QSOX2: variants seen among roughly 807,000 people sequenced by gnomAD.
QSOX2 encodes sulfhydryl oxidase 2.
Under a neutral mutation model 61.7 loss-of-function variants are expected in QSOX2, and 46 were observed. The ratio of observed to expected loss-of-function variants is 0.75; its 90% CI spans 0.59 to 0.95. The LOEUF (loss-of-function observed/expected upper bound fraction) is 0.95, where lower values mean the gene tolerates loss of function less well. Among genes scored for constraint, QSOX2 ranks in the 40% least tolerant of loss-of-function variants. The probability of loss-of-function intolerance (pLI) is 0.00; values close to 1 mark genes in which losing one functional copy is unlikely to be tolerated. For missense variants in QSOX2, 879 were observed against 918.9 expected (o/e 0.96, Z 0.56); for synonymous variants, 383 against 388.4 (o/e 0.99, Z 0.16).
intron 6 of QSOX2, 80 bp from the exon 7 acceptor site, chr9:136,219,244 C>A: frequency 6.7e-7 from 1 of 1,500,510 alleles, no homozygotes. Flanking sequence ...TTCAGGACAG[C>A]TCTGGGCCAC....
intron 9 of QSOX2, 139 bp downstream of exon 9, chr9:136,216,461 C>A: frequency 1.7e-6 from 2 of 1,184,180 alleles, no homozygotes; most frequent in Non-Finnish European, 2.4e-6. Context: ...ATGATGCTGT[C>A]GTGGAGACAG....
intron 1 of QSOX2, among the ~76,000 whole-genome samples, chr9:136,240,005 G>A (rs914649188): frequency 6.6e-6 from 1 of 152,242 alleles, no homozygotes; most frequent in Non-Finnish European, 1.5e-5. Context: ...CTCCTGCTCT[G>A]CCCACCTGTC....
chr9:136,213,670 C>T (rs1391595282), intron 10 of QSOX2, among the ~76,000 whole-genome samples: 4 of 151,830 alleles, frequency 2.6e-5, no homozygotes, highest in Non-Finnish European at 5.9e-5. Flanking sequence ...GGACACTCTC[C>T]CATTAACAGG....
In QSOX2 at chr9:136,215,369, C is replaced by A. The variant is rs553162255; in HGVS notation, c.1210-65G>T. The A allele has an allele frequency of 4.1e-6, 6 of 1,479,304 alleles. No homozygotes were observed. In the East Asian group the frequency reaches 1.0e-4, roughly 25 times the overall value. The allele number at this position is 1,479,304 out of a possible 1,614,324, so 91.6% of individuals were successfully genotyped here. On this transcript the variant is annotated intron_variant, in intron 9 of 11. Transcript: ENST00000358701. Reference sequence around the variant, plus strand: ...GATAATTGTTGAAATTAAAAACAGTCGACAGCTGCCTTCTTGACTGGGGGG... The same window carrying A: ...GATAATTGTTGAAATTAAAAACAGTAGACAGCTGCCTTCTTGACTGGGGGG...
rs1564288480 is a variant in QSOX2 at position 136,209,368 on chromosome 9, C to T, written c.1550-93G>A. 7 of 1,540,028 alleles carry T rather than the reference C, an allele frequency of 4.5e-6. No homozygotes were observed. Among genetic ancestry groups the T allele is most frequent in the Non-Finnish European group, 6.1e-6 (7 of 1,143,468 alleles). On this transcript the variant is annotated intron_variant, in intron 11 of 11. Transcript: ENST00000358701. The surrounding 1 kb of genome is among the most constrained non-coding windows in gnomAD (Gnocchi z 5.6). ...CAACCGGACTCCCACTCCCACCCAC[C>T]ACGGGCCTCCACTGCCCTGGCCCAG...
intron 3 of QSOX2, 118 bp from the exon 4 acceptor site, chr9:136,224,230 G>T: frequency 1.4e-6 from 1 of 737,422 alleles, no homozygotes; most frequent in Non-Finnish European, 2.3e-6. Context: ...GGGTGCAGGT[G>T]GCAGCAACAT....
At chr9:136,217,785 T>C (rs1211444747) in intron 8 of QSOX2, among the ~76,000 whole-genome samples, 1 of 152,204 alleles carries the variant, frequency 6.6e-6, no homozygotes, top group Non-Finnish European at 1.5e-5. Context: ...ACTAATATGA[T>C]GGACAGATTA....
At chr9:136,241,238 A>C (rs1023519492) in intron 1 of QSOX2, among the ~76,000 whole-genome samples, 6 of 150,830 alleles carry the variant, frequency 4.0e-5, no homozygotes, top group African/African-American at 1.5e-4. Context: ...CCACTGCCCA[A>C]CTCTTCCTCC....
intron 10 of QSOX2, among the ~76,000 whole-genome samples, chr9:136,212,101 A>G (rs12378908): frequency 2.0e-5 from 3 of 152,248 alleles, no homozygotes; most frequent in Non-Finnish European, 4.4e-5. Flanking sequence ...ATTAACAGAC[A>G]TGGACAGGCC....
At position 136,219,133 on chromosome 9, in the gene QSOX2, A is replaced by G; in HGVS notation, c.853T>C (p.Tyr285His). The change falls in exon 7 of 12, where the codon TAT (tyrosine) becomes CAT (histidine). Residue 285 changes from tyrosine (Y) to histidine (H), a missense_variant. Transcript: ENST00000358701. ...VKPLRAFFSS[Y>H]LKSLPDVRKK... ...CTCACATCCGGCAATGACTTCAAATAAGACGAAAAGAAGGCCCGCAGAGGC... is the reference window on the plus strand; with the variant it reads ...CTCACATCCGGCAATGACTTCAAATGAGACGAAAAGAAGGCCCGCAGAGGC... 6.2e-7 allele frequency: 1 copy of G among 1,614,024 alleles called. No homozygotes were observed. Among genetic ancestry groups the G allele is most frequent in the African/African-American group, 1.3e-5 (1 of 75,060 alleles).
chr9:136,219,095 A>C lies in QSOX2; in HGVS notation c.891T>G (p.Leu297=), dbSNP rs1439607748. The C allele has an allele frequency of 4.3e-6, 7 of 1,614,000 alleles. No homozygotes were observed. Among genetic ancestry groups the C allele is most frequent in the Non-Finnish European group, 5.9e-6 (7 of 1,180,036 alleles). The part of the protein sequence containing the change: ...KSLPDVRKKS[L]PLPEKPHKEE... Reference sequence around the variant, plus strand: ...CTTTGTGTGGCTTTTCAGGCAAGGGAAGCGATTTTTTCCTCACATCCGGCA... The same window carrying C: ...CTTTGTGTGGCTTTTCAGGCAAGGGCAGCGATTTTTTCCTCACATCCGGCA... The change falls in exon 7 of 12, where the codon CTT becomes CTG. Residue 297 remains leucine, a synonymous_variant. Coordinates refer to ENST00000358701, the MANE Select transcript of QSOX2 (RefSeq NM_181701.4).
rs1237396112 is a variant in QSOX2, at chr9:136,222,297, G to A, written c.676-356C>T. ...CCACACCCCACGGCCTCGCACTCCC[G>A]TCCCGCGTGTGGAAGCTTCGTGGCC... On this transcript the variant is annotated intron_variant, in intron 5 of 11. Transcript: ENST00000358701. The surrounding 1 kb of genome is among the most constrained non-coding windows in gnomAD (Gnocchi z 6.9). Among the ~76,000 whole-genome samples the A allele has an allele frequency of 6.6e-5, 10 of 152,154 alleles. 1 individual carries two copies. The highest frequency in any genetic ancestry group is 2.6e-4 in the Admixed American group (4 of 15,272).
Position 136,206,534 on chromosome 9 carries a change from A to T in QSOX2, c.*2194T>A, listed in dbSNP as rs1206625093. On this transcript the variant is annotated 3_prime_UTR_variant, in exon 12 of 12. Coordinates refer to ENST00000358701, the MANE Select transcript of QSOX2 (RefSeq NM_181701.4). Reference sequence around the variant, plus strand: ...ATATTCATTAGTCTCAATACCTCTTAAAATACTTAAAACTTTAGAAAATAG... The same window carrying T: ...ATATTCATTAGTCTCAATACCTCTTTAAATACTTAAAACTTTAGAAAATAG... The T allele has an allele frequency of 6.6e-6, 1 of 152,476 alleles. No homozygotes were observed. The highest frequency in any genetic ancestry group is 1.5e-5 in the Non-Finnish European group (1 of 68,046). 9.4% of individuals were successfully genotyped at this position (152,476 alleles called of 1,614,324 possible).
In QSOX2 at chr9:136,245,473, C is replaced by T; in HGVS notation, c.328+3G>A. The T allele has an allele frequency of 6.3e-7, 1 of 1,588,260 alleles. No individual in the cohort carries two copies. The highest frequency in any genetic ancestry group is 8.5e-7 in the Non-Finnish European group (1 of 1,175,138). On this transcript the variant is annotated splice_donor_region_variant and intron_variant, in intron 1 of 11. Transcript: ENST00000358701. ...GGGGTCCCCGCGCGGGGGCGCGCCT[C>T]ACCTCGCACATCCCCAGCCAGGGCC...
chr9:136,234,236 C>T (rs998843595), intron 1 of QSOX2, among the ~76,000 whole-genome samples: 12 of 152,370 alleles, frequency 7.9e-5, no homozygotes, highest in African/African-American at 2.9e-4. Context: ...GTACGGAACA[C>T]GTGTAACACA....
At position 136,206,567 on chromosome 9, in the gene QSOX2, A is replaced by T. The variant is rs79386258; in HGVS notation, c.*2161T>A. The T allele has an allele frequency of 6.6e-6, 1 of 152,478 alleles. No homozygotes were observed. Among genetic ancestry groups the T allele is most frequent in the East Asian group, 1.9e-4 (1 of 5,330 alleles). 9.4% of individuals were successfully genotyped at this position (152,478 alleles called of 1,614,324 possible). ...TAAAACTTTAGAAAATAGACTCTAA[A>T]CATTGCCTAAAGGTGGCATCCAGCT... On this transcript the variant is annotated 3_prime_UTR_variant, in exon 12 of 12. Transcript: ENST00000358701.
chr9:136,239,569 C>T (rs1026498197), intron 1 of QSOX2, among the ~76,000 whole-genome samples: 4 of 152,244 alleles, frequency 2.6e-5, no homozygotes, highest in African/African-American at 4.8e-5. Context: ...AAATTCATCC[C>T]GGAGCGTGAA....
rs1830256563 is a variant in QSOX2, at chr9:136,224,062, G to A, written c.529C>T (p.Gln177Ter). The A allele has an allele frequency of 1.9e-6, 3 of 1,614,100 alleles. No homozygotes were observed. The highest frequency in any genetic ancestry group is 4.5e-5 in the East Asian group (2 of 44,882). ...GGCCGGCTTCCTTCCGTGTGGTTCT[G>A]CAGGAAGTCAATCATCGTCTGTCTG... ...TVRQTMIDFL[Q>*]NHTEGSRPPA... Residue 177 changes from glutamine (Q) to a stop codon, truncating the protein, a stop_gained, in exon 4 of 12, where the codon CAG becomes TAG. Transcript: ENST00000358701. LOFTEE classifies it high-confidence loss of function.
Position 136,221,813 on chromosome 9 carries a change from C to G in QSOX2, c.804G>C (p.Ser268=), listed in dbSNP as rs143919036. 68 of 1,606,876 alleles carry G rather than the reference C, an allele frequency of 4.2e-5. No individual in the cohort carries two copies. The African/African-American group carries it at 8.7e-4, about 21-fold the overall frequency. ...PSCYLIYPNG[S]HGLINVVKPL... ...GCACTCACACGTTAATCAATCCATG[C>G]GACCCATTTGGGTAGATCAGGTAAC... Residue 268 remains serine, a synonymous_variant, in exon 6 of 12, where the codon TCG becomes TCC. Transcript: ENST00000358701. This position sits in a 1 kb window ranked among gnomAD's most constrained non-coding sequence, Gnocchi z 4.5.
Sources: allele counts gnomAD v4.1 joint callset (sites outside exome capture counted in the v4.1 genomes callset), GRCh38; gene constraint gnomAD v4.1.1; non-coding constraint Gnocchi (gnomAD v3.1); transcripts MANE v1.5; gene names NCBI Gene and HGNC (gene_info 2026-07-23, HGNC 2026-07-21).